The following PRKG1 variants were observed in gnomAD, a reference collection of about 807,000 sequenced individuals.
PRKG1 encodes cGMP-dependent protein kinase 1.
A neutral mutation model predicts 88.1 loss-of-function variants in PRKG1; 35 were observed. The ratio of observed to expected loss-of-function variants is 0.40; its 90% CI spans 0.30 to 0.53. PRKG1 has a LOEUF of 0.53. Among genes scored for constraint, PRKG1 ranks in the 20% least tolerant of loss-of-function variants. PRKG1 has a pLI of 0.59. For missense variants in PRKG1, 540 were observed against 839.8 expected (o/e 0.64, Z 4.41); for synonymous variants, 303 against 292.5 (o/e 1.04, Z -0.37).
chr10:51,192,701 T>C (rs1306086575), intron 2 of PRKG1, among the ~76,000 whole-genome samples: 1 of 151,984 alleles, frequency 6.6e-6, no homozygotes, highest in African/African-American at 2.4e-5. Flanking sequence ...CAAATTAACT[T>C]CTAAATTAAT....
chr10:51,386,160 G>A (rs983004060), intron 2 of PRKG1, among the ~76,000 whole-genome samples: 25 of 152,038 alleles, frequency 1.6e-4, no homozygotes, highest in Admixed American at 1.3e-4. Context: ...CCATTATTCA[G>A]ATGTTTCAGT....
chr10:51,096,238 CTG>C (rs1222603793), intron 1 of PRKG1, among the ~76,000 whole-genome samples: 2 of 152,056 alleles, frequency 1.3e-5, no homozygotes, highest in African/African-American at 4.8e-5. Flanking sequence ...ATCCAGGACT[CTG>C]TGTAATGAGC....
intron 4 of PRKG1, among the ~76,000 whole-genome samples, chr10:51,825,724 A>G (rs1839866432): frequency 6.6e-6 from 1 of 152,176 alleles, no homozygotes; most frequent in South Asian, 2.1e-4. Context: ...TATTAAAGGT[A>G]TTTGAGCAGG....
intron 7 of PRKG1, among the ~76,000 whole-genome samples, chr10:52,100,165 C>T (rs1016176087): frequency 2.6e-5 from 4 of 152,154 alleles, no homozygotes; most frequent in Admixed American, 2.6e-4. Flanking sequence ...TCTCCCAGCA[C>T]AGTGAACTCA....
intron 6 of PRKG1, among the ~76,000 whole-genome samples, chr10:52,059,085 TAGAAA>T (rs1267773468): frequency 6.6e-6 from 1 of 151,920 alleles, no homozygotes; most frequent in African/African-American, 2.4e-5. Context: ...GATTAGTCAT[TAGAAA>T]AGTGCATATT....
In PRKG1 at chr10:52,128,632, A is replaced by G; in HGVS notation, c.936-5208A>G. ...GAAAGGAATTTCTAACACATCTGAA[A>G]ATGTTAGAAGTGGCTTAAAAAGAGG... On this transcript the variant is annotated intron_variant, in intron 7 of 17. Transcript: ENST00000373980. 3.1e-6 allele frequency: 3 copies of G among 953,584 alleles called. No individual in the cohort carries two copies. In the South Asian group the frequency reaches 1.5e-4, roughly 46 times the overall value. 59.1% of individuals were successfully genotyped at this position (953,584 alleles called of 1,614,324 possible).
At position 52,173,152 on chromosome 10, in the gene PRKG1, A is replaced by G. The variant is rs1838756733; in HGVS notation, c.1076+11189A>G. ...GGATCATGAAATAATTTATAAGTCT[A>G]TGTTGTAACAAAGGTTACTTAAGTT... On this transcript the variant is annotated intron_variant, in intron 9 of 17. Coordinates refer to ENST00000373980, the MANE Select transcript of PRKG1 (RefSeq NM_006258.4). Among the ~76,000 whole-genome samples the G allele has an allele frequency of 2.0e-5, 3 of 152,340 alleles. No individual in the cohort carries two copies. In the South Asian group the frequency reaches 6.2e-4, roughly 32 times the overall value.
At chr10:51,167,164 GA>G (rs1846568578) in intron 2 of PRKG1, among the ~76,000 whole-genome samples, 1 of 152,102 alleles carries the variant, frequency 6.6e-6, no homozygotes, top group Non-Finnish European at 1.5e-5. Flanking sequence ...TAAGTGCTAT[GA>G]AAAAATAAAT....
At chr10:52,136,536 C>T (rs1837428540) in intron 8 of PRKG1, among the ~76,000 whole-genome samples, 1 of 152,096 alleles carries the variant, frequency 6.6e-6, no homozygotes, top group African/African-American at 2.4e-5. Context: ...TGTACACTGA[C>T]AAGTGAATGG....
At chr10:51,001,864 A>G (rs1293129942) in intron 1 of PRKG1, among the ~76,000 whole-genome samples, 1 of 152,222 alleles carries the variant, frequency 6.6e-6, no homozygotes, top group Non-Finnish European at 1.5e-5. Context: ...AATGGCTTTT[A>G]GTTGAATTTT....
chr10:51,098,213 T>A (rs1348629837), intron 1 of PRKG1, among the ~76,000 whole-genome samples: 2 of 152,324 alleles, frequency 1.3e-5, no homozygotes, highest in South Asian at 4.1e-4. Context: ...ATTCAGGCTT[T>A]ACCACTTTCT....
chr10:51,667,948 T>C (rs1344165318), intron 3 of PRKG1, among the ~76,000 whole-genome samples: 1 of 152,036 alleles, frequency 6.6e-6, no homozygotes, highest in Non-Finnish European at 1.5e-5. Flanking sequence ...AGATTATTCA[T>C]GGGGAGAATT....
intron 2 of PRKG1, among the ~76,000 whole-genome samples, chr10:51,294,017 C>G (rs1437547555): frequency 6.6e-6 from 1 of 151,956 alleles, no homozygotes; most frequent in East Asian, 1.9e-4. Flanking sequence ...ATTTTTATGT[C>G]TTCTGTTGAG....
At chr10:51,559,648 G>T (rs902634822) in intron 3 of PRKG1, among the ~76,000 whole-genome samples, 1 of 152,042 alleles carries the variant, frequency 6.6e-6, no homozygotes, top group African/African-American at 2.4e-5. Context: ...AGTAAGAAAA[G>T]ACATAAAAGG....
At chr10:51,613,363 A>G (rs950489856) in intron 3 of PRKG1, among the ~76,000 whole-genome samples, 1 of 151,660 alleles carries the variant, frequency 6.6e-6, no homozygotes, top group African/African-American at 2.4e-5. Flanking sequence ...ACCAGTTGCA[A>G]TGTCTGCTTT....
rs552934947 is a variant in PRKG1, at chr10:51,237,194, T to A, written c.478+83864T>A. Among the ~76,000 whole-genome samples the A allele has an allele frequency of 1.0e-3, 159 of 152,352 alleles. 1 individual carries two copies. The highest frequency in any genetic ancestry group is 3.5e-3 in the African/African-American group (145 of 41,578). ...ACTGTCTTTGCCTGATGACATTAAA[T>A]AATGTTTTACCTTACCAAAGTATCT... On this transcript the variant is annotated intron_variant, in intron 2 of 17. Transcript: ENST00000373980.
intron 4 of PRKG1, among the ~76,000 whole-genome samples, chr10:51,819,757 A>G (rs1273901465): frequency 6.6e-6 from 1 of 152,206 alleles, no homozygotes; most frequent in Non-Finnish European, 1.5e-5. Flanking sequence ...CCAGGGGCAC[A>G]TAGGGACAGA....
At position 51,176,742 on chromosome 10, in the gene PRKG1, C is replaced by G. The variant is rs140157361; in HGVS notation, c.478+23412C>G. On this transcript the variant is annotated intron_variant, in intron 2 of 17. Transcript: ENST00000373980. ...GTGACAGACTAAGAGAAGAGCACCT[C>G]AGACACTGAACCTGCATATGCCAAG... Among the ~76,000 whole-genome samples the G allele has an allele frequency of 7.2e-5, 11 of 152,142 alleles. No individual in the cohort carries two copies. In the East Asian group the frequency reaches 2.1e-3, roughly 29 times the overall value.
intron 10 of PRKG1, among the ~76,000 whole-genome samples, chr10:52,268,555 G>C (rs879526030): frequency 3.9e-5 from 6 of 151,932 alleles, no homozygotes; most frequent in Non-Finnish European, 5.9e-5. Flanking sequence ...TAGAAATATT[G>C]TTCAGTTTAT....
Sources: gnomAD v4.1 joint callset for allele counts (sites outside exome capture counted in the v4.1 genomes callset) on GRCh38, gnomAD v4.1.1 for gene constraint, MANE v1.5 for transcripts, NCBI Gene and HGNC (gene_info 2026-07-23, HGNC 2026-07-21) for gene names.